MCTP1: variants seen among roughly 807,000 people sequenced by gnomAD.
The protein encoded by MCTP1 is multiple C2 and transmembrane domain-containing protein 1.
A neutral mutation model predicts 120.6 loss-of-function variants in MCTP1; 69 were observed. The ratio of observed to expected loss-of-function variants is 0.57; its 90% CI spans 0.47 to 0.70. The LOEUF (loss-of-function observed/expected upper bound fraction) is 0.70, where lower values mean the gene tolerates loss of function less well. Ranked by LOEUF, MCTP1 falls within the 30% of genes least tolerant of loss-of-function variation. The pLI, the probability that MCTP1 is intolerant of heterozygous loss-of-function variation, is 0.00. For missense variants in MCTP1, 1,203 were observed against 1,248.8 expected (o/e 0.96, Z 0.55); for synonymous variants, 529 against 493.1 (o/e 1.07, Z -0.96).
chr5:95,265,671 C>T (rs1035394143), intron 1 of MCTP1, among the ~76,000 whole-genome samples: 2 of 152,156 alleles, frequency 1.3e-5, no homozygotes, highest in African/African-American at 2.4e-5. Context: ...ATTTATCTCC[C>T]AAGACACAGG....
chr5:95,081,403 G>A, intron 1 of MCTP1: 1 of 1,605,458 alleles, frequency 6.2e-7, no homozygotes, highest in Non-Finnish European at 8.5e-7. Flanking sequence ...ACAATCCAGT[G>A]AGTAAACCAA....
At chr5:95,155,376 G>A (rs924252822) in intron 1 of MCTP1, among the ~76,000 whole-genome samples, 1 of 152,108 alleles carries the variant, frequency 6.6e-6, no homozygotes, top group Non-Finnish European at 1.5e-5. Context: ...AAGATTGTTG[G>A]ACTCTTGTTT....
intron 2 of MCTP1, among the ~76,000 whole-genome samples, chr5:94,972,918 A>C (rs1181866193): frequency 2.0e-5 from 3 of 152,054 alleles, no homozygotes; most frequent in Non-Finnish European, 4.4e-5. Context: ...ACTGAAAGGC[A>C]AAGTCCACTA....
At chr5:94,736,295 CCT>C (rs1764214507) in intron 19 of MCTP1, among the ~76,000 whole-genome samples, 1 of 151,980 alleles carries the variant, frequency 6.6e-6, no homozygotes, top group Non-Finnish European at 1.5e-5. Context: ...TTGAGACCAG[CCT>C]GGGCAACATA....
In MCTP1 at chr5:95,162,922, T is replaced by G. The variant is rs182302757; in HGVS notation, c.720+120934A>C. On this transcript the variant is annotated intron_variant, in intron 1 of 22. Coordinates refer to ENST00000515393, the MANE Select transcript of MCTP1 (RefSeq NM_024717.7). ...AACTAGGATTAAATACTCTGTCATA[T>G]CTAAAGGATGGCCTAAATTGGAAAG... 1.0e-3 allele frequency among the ~76,000 whole-genome samples: 158 copies of G among 152,288 alleles called. 2 individuals are homozygous for G. Among genetic ancestry groups the G allele is most frequent in the Admixed American group, 9.2e-3 (140 of 15,292 alleles).
At chr5:94,826,245 C>A in intron 17 of MCTP1, 1 of 441,546 alleles carries the variant, frequency 2.3e-6, no homozygotes, top group South Asian at 2.2e-5. Context: ...TAGATTAGTT[C>A]ATTTACTAAC....
intron 18 of MCTP1, among the ~76,000 whole-genome samples, chr5:94,784,626 C>G (rs921164062): frequency 6.6e-6 from 1 of 151,884 alleles, no homozygotes; most frequent in Admixed American, 6.6e-5. Context: ...CAGTACATCT[C>G]GAAAGCAACT....
intron 17 of MCTP1, among the ~76,000 whole-genome samples, chr5:94,846,297 C>T (rs1226780401): frequency 2.6e-5 from 4 of 152,106 alleles, no homozygotes; most frequent in African/African-American, 9.7e-5. Flanking sequence ...ATAGTACATA[C>T]ACAGCATGGA....
At chr5:95,011,298 C>T (rs11738596) in intron 2 of MCTP1, among the ~76,000 whole-genome samples, 23,710 of 151,980 alleles carry the variant, frequency 0.16, 2,379 homozygotes, top group East Asian at 0.42. Context: ...TTCAATTCTC[C>T]CTTCCACGTT....
At chr5:95,166,507 T>C (rs115223707) in intron 1 of MCTP1, among the ~76,000 whole-genome samples, 2,308 of 152,200 alleles carry the variant, frequency 0.015, 55 homozygotes, top group African/African-American at 0.052. Flanking sequence ...TTTTTTCTAC[T>C]TGAAATTGTG....
intron 1 of MCTP1, among the ~76,000 whole-genome samples, chr5:95,087,095 A>C (rs1755493674): frequency 6.6e-6 from 1 of 152,206 alleles, no homozygotes; most frequent in African/African-American, 2.4e-5. Context: ...AAGCGTGGCC[A>C]GCAGCGTCAC....
At chr5:95,212,814 C>T (rs575514344) in intron 1 of MCTP1, among the ~76,000 whole-genome samples, 94 of 151,966 alleles carry the variant, frequency 6.2e-4, no homozygotes, top group South Asian at 3.3e-3. Context: ...AATTCAACAA[C>T]CCTTCATGTT....
intron 2 of MCTP1, among the ~76,000 whole-genome samples, chr5:94,992,720 C>T (rs1426447404): frequency 6.6e-6 from 1 of 152,128 alleles, no homozygotes; most frequent in Non-Finnish European, 1.5e-5. Flanking sequence ...TTGCTGAGAA[C>T]TCTACACTTG....
At chr5:94,826,531 T>C in intron 17 of MCTP1, 1 of 711,904 alleles carries the variant, frequency 1.4e-6, no homozygotes. Context: ...CTTGTGATAG[T>C]GCTTCATTTT....
rs1754043899 is a variant in MCTP1, at chr5:94,704,190, TCA to T, written c.*3304_*3305del. 1 of 33,476 alleles carries T rather than the reference TCA, an allele frequency of 3.0e-5. No homozygotes were observed. Among genetic ancestry groups the T allele is most frequent in the Admixed American group, 2.6e-4 (1 of 3,882 alleles). 2.1% of individuals were successfully genotyped at this position (33,476 alleles called of 1,614,324 possible). ...CCCTAATCAAACCAACGAATAGACA[TCA>T]TCTGTACACTCACTCACACTAGAGT... On this transcript the variant is annotated 3_prime_UTR_variant, in exon 23 of 23. Transcript: ENST00000515393.
At chr5:95,097,857 G>T (rs1478825855) in intron 1 of MCTP1, among the ~76,000 whole-genome samples, 2 of 152,160 alleles carry the variant, frequency 1.3e-5, no homozygotes, top group African/African-American at 4.8e-5. Context: ...TGGGGTCATG[G>T]TAGTTGTATT....
chr5:95,213,893 C>G (rs535858473), intron 1 of MCTP1, among the ~76,000 whole-genome samples: 3 of 152,328 alleles, frequency 2.0e-5, no homozygotes, highest in African/African-American at 7.2e-5. Context: ...AAACGTTAGA[C>G]CTAAAATCAT....
intron 1 of MCTP1, among the ~76,000 whole-genome samples, chr5:95,028,704 C>T (rs1268632461): frequency 8.5e-5 from 13 of 152,082 alleles, no homozygotes; most frequent in Admixed American, 7.9e-4. Context: ...TAAATTAGAC[C>T]ATGTAAACAG....
chr5:94,851,875 A>C (rs893753769), intron 17 of MCTP1, among the ~76,000 whole-genome samples: 2 of 151,932 alleles, frequency 1.3e-5, no homozygotes, highest in South Asian at 2.1e-4. Context: ...GTAGGAGTGA[A>C]GGTATTAACC....
Sources: gnomAD v4.1 joint callset for allele counts (sites outside exome capture counted in the v4.1 genomes callset) on GRCh38, gnomAD v4.1.1 for gene constraint, MANE v1.5 for transcripts, NCBI Gene and HGNC (gene_info 2026-07-23, HGNC 2026-07-21) for gene names.